The following GPHN variants were observed in gnomAD, a reference collection of about 807,000 sequenced individuals.
The protein encoded by GPHN is gephyrin.
GPHN carries 17 observed loss-of-function variants against 95.5 expected under a neutral mutation model. The observed-to-expected ratio is 0.18, with a 90% CI of 0.12 to 0.27. The LOEUF is 0.27. Among genes scored for constraint, GPHN ranks in the 10% least tolerant of loss-of-function variants. The pLI, the probability that GPHN is intolerant of heterozygous loss-of-function variation, is 1.00. For missense variants in GPHN, 660 were observed against 978.1 expected, an observed-to-expected ratio of 0.67 and a Z score of 4.34; for synonymous variants, 320 against 322.5, an observed-to-expected ratio of 0.99 and a Z score of 0.08.
At chr14:67,619,773 C>T in the GPHN span, 5 of 538,500 alleles carry the variant, frequency 9.3e-6, no homozygotes, top group South Asian at 1.1e-4. Context: ...CACGTCCCAG[C>T]CTTGCAGAGC....
chr14:67,464,348 G>T, the GPHN span, among the ~76,000 whole-genome samples: 8 of 152,012 alleles, frequency 5.3e-5, no homozygotes, highest in African/African-American at 1.9e-4. Context: ...GGGGTTTCCT[G>T]GAAGGGGCTG....
chr14:66,984,353 G>C (rs1021230314), intron 9 of GPHN, among the ~76,000 whole-genome samples: 22 of 152,182 alleles, frequency 1.4e-4, no homozygotes, highest in Non-Finnish European at 1.5e-5. Flanking sequence ...TGATGTTCTA[G>C]TTAGTATCCA....
the GPHN span, among the ~76,000 whole-genome samples, chr14:67,560,805 T>A: frequency 0.61 from 92,047 of 150,320 alleles, 28,421 homozygotes; most frequent in Non-Finnish European, 0.65. Context: ...ATATCGGCTC[T>A]CTGCAACCTC....
At chr14:67,627,768 C>T in the GPHN span, among the ~76,000 whole-genome samples, 2 of 152,142 alleles carry the variant, frequency 1.3e-5, no homozygotes, top group Admixed American at 1.3e-4. Flanking sequence ...GACCCCATCT[C>T]TACATTTTTT....
intron 1 of GPHN, among the ~76,000 whole-genome samples, chr14:66,630,735 G>A (rs1309354770): frequency 1.3e-5 from 2 of 152,164 alleles, no homozygotes; most frequent in Non-Finnish European, 2.9e-5. Flanking sequence ...GCCTCCCAAA[G>A]TGCTGAGATT....
the GPHN span, chr14:67,729,794 C>T: frequency 8.8e-5 from 44 of 497,444 alleles, no homozygotes; most frequent in East Asian, 2.4e-3. Flanking sequence ...AACTCTGTCC[C>T]TCAATGCTGC....
At chr14:66,868,566 G>A (rs573457206) in intron 4 of GPHN, among the ~76,000 whole-genome samples, 1 of 152,042 alleles carries the variant, frequency 6.6e-6, no homozygotes, top group South Asian at 2.1e-4. Flanking sequence ...GCTAATTTTT[G>A]TATTTTTAGT....
chr14:67,656,624 TTC>T, the GPHN span: 1 of 1,573,818 alleles, frequency 6.4e-7, no homozygotes, highest in Non-Finnish European at 8.6e-7. Context: ...GTTAGACTTT[TTC>T]CATTATAAAT....
chr14:67,327,665 G>A, the GPHN span, among the ~76,000 whole-genome samples: 6 of 151,632 alleles, frequency 4.0e-5, no homozygotes, highest in East Asian at 1.2e-3. Flanking sequence ...ACAGGCCCCA[G>A]TGTGTGATGT....
intron 2 of GPHN, among the ~76,000 whole-genome samples, chr14:66,703,975 G>A (rs1464624736): frequency 7.4e-5 from 10 of 135,194 alleles, no homozygotes; most frequent in Non-Finnish European, 8.1e-5. Context: ...AAAAAAAAAA[G>A]AAAGAAAGAA....
intron 1 of GPHN, among the ~76,000 whole-genome samples, chr14:66,587,972 A>G (rs1042480552): frequency 5.9e-5 from 9 of 152,258 alleles, no homozygotes; most frequent in East Asian, 1.9e-4. Flanking sequence ...GTTGACAGAC[A>G]CCTCATACAG....
chr14:67,658,027 G>A, the GPHN span, among the ~76,000 whole-genome samples: 3 of 152,288 alleles, frequency 2.0e-5, no homozygotes, highest in Admixed American at 2.0e-4. Flanking sequence ...GGGATTACAG[G>A]CGTAAGCCAC....
At chr14:66,698,022 T>C (rs993024701) in intron 2 of GPHN, among the ~76,000 whole-genome samples, 3 of 152,098 alleles carry the variant, frequency 2.0e-5, no homozygotes, top group African/African-American at 7.2e-5. Flanking sequence ...TTTCATCTTA[T>C]GAAATTGAAA....
chr14:66,522,282 A>G (rs1032725237), intron 1 of GPHN, among the ~76,000 whole-genome samples: 2 of 152,164 alleles, frequency 1.3e-5, no homozygotes, highest in African/African-American at 4.8e-5. Context: ...TTTTGAATTT[A>G]TGATCACCTA....
chr14:66,530,707 G>T (rs775929137), intron 1 of GPHN, among the ~76,000 whole-genome samples: 3 of 152,028 alleles, frequency 2.0e-5, no homozygotes, highest in Non-Finnish European at 4.4e-5. Context: ...CCTTGGCTAC[G>T]GATGGGAATT....
chr14:67,144,429 A>G (rs1862505937), intron 18 of GPHN, among the ~76,000 whole-genome samples: 1 of 150,768 alleles, frequency 6.6e-6, no homozygotes. Flanking sequence ...TACGATGACT[A>G]TTGGGTCTAC....
the GPHN span, chr14:67,572,184 G>A: frequency 2.1e-5 from 34 of 1,608,040 alleles, 1 homozygote; most frequent in South Asian, 2.5e-4. Flanking sequence ...CCATCCCCCC[G>A]GACGCCTGCT....
the GPHN span, among the ~76,000 whole-genome samples, chr14:67,640,391 G>A: frequency 2.0e-5 from 3 of 152,166 alleles, no homozygotes; most frequent in African/African-American, 7.2e-5. Context: ...AAAAGAATAG[G>A]ACAAAGTTTT....
At chr14:66,603,480 A>C (rs1404211298) in intron 1 of GPHN, among the ~76,000 whole-genome samples, 1 of 151,926 alleles carries the variant, frequency 6.6e-6, no homozygotes, top group Non-Finnish European at 1.5e-5. Flanking sequence ...ATAATTTTCC[A>C]CTGAATGCCT....
Sources: allele counts gnomAD v4.1 joint callset (sites outside exome capture counted in the v4.1 genomes callset), GRCh38; gene constraint gnomAD v4.1.1; transcripts MANE v1.5; gene names NCBI Gene and HGNC (gene_info 2026-07-23, HGNC 2026-07-21).